Variants in PTPRD observed in about 807,000 individuals in gnomAD.
PTPRD encodes receptor-type tyrosine-protein phosphatase delta.
A neutral mutation model predicts 214.5 loss-of-function variants in PTPRD; 34 were observed. The ratio of observed to expected loss-of-function variants is 0.16; its 90% CI spans 0.12 to 0.21. The LOEUF is 0.21. Among genes scored for constraint, PTPRD ranks in the 10% least tolerant of loss-of-function variants. The pLI is 1.00. For missense variants in PTPRD, 2,545 were observed against 2,398.7 expected (o/e 1.06, Z -1.27); for synonymous variants, 1,128 against 845.7 (o/e 1.33, Z -5.79).
intron 5 of PTPRD, among the ~76,000 whole-genome samples, chr9:9,887,004 C>T (rs886866632): frequency 1.3e-5 from 2 of 152,030 alleles, no homozygotes; most frequent in Admixed American, 1.3e-4. Flanking sequence ...CACAACAAAC[C>T]ATGAGAGGCC....
At chr9:9,242,389 C>G (rs2099970795) in intron 9 of PTPRD, among the ~76,000 whole-genome samples, 1 of 152,110 alleles carries the variant, frequency 6.6e-6, no homozygotes, top group Non-Finnish European at 1.5e-5. Flanking sequence ...TGAATGTTGA[C>G]CTGCCTTGCT....
intron 9 of PTPRD, among the ~76,000 whole-genome samples, chr9:9,204,710 A>G (rs766354161): frequency 3.9e-5 from 6 of 152,326 alleles, no homozygotes; most frequent in Non-Finnish European, 7.4e-5. Flanking sequence ...AAGAACATAA[A>G]TAGTGAATAG....
chr9:9,810,360 C>T (rs762141421), intron 5 of PTPRD, among the ~76,000 whole-genome samples: 6 of 152,064 alleles, frequency 3.9e-5, no homozygotes, highest in African/African-American at 1.2e-4. Context: ...AAAAAGGAGA[C>T]GTCAATACCT....
At chr9:9,027,856 A>C (rs1391996990) in intron 10 of PTPRD, among the ~76,000 whole-genome samples, 1 of 151,986 alleles carries the variant, frequency 6.6e-6, no homozygotes, top group Non-Finnish European at 1.5e-5. Flanking sequence ...CCTTCAAACT[A>C]ACTGCCATTT....
intron 2 of PTPRD, among the ~76,000 whole-genome samples, chr9:10,459,895 T>C (rs1261688373): frequency 6.6e-6 from 1 of 151,902 alleles, no homozygotes; most frequent in Non-Finnish European, 1.5e-5. Context: ...TTTAATAGTA[T>C]AGTTTCTCCT....
rs2097785164 is a variant in PTPRD, at chr9:8,516,641, G to A, written c.1543+1207C>T. Among the ~76,000 whole-genome samples the A allele has an allele frequency of 3.3e-5, 5 of 151,994 alleles. No individual in the cohort carries two copies. The South Asian group carries it at 6.2e-4, about 19-fold the overall frequency. On this transcript the variant is annotated intron_variant, in intron 21 of 45. Coordinates refer to ENST00000381196, the MANE Select transcript of PTPRD (RefSeq NM_002839.4). ...ATTGCCAGGATTAGCAATGAGTTAT[G>A]TCTACAGATTATACTGTCTCCAATA...
chr9:8,684,686 T>C lies in PTPRD; in HGVS notation c.65-47842A>G, dbSNP rs139521451. Among the ~76,000 whole-genome samples, 833 of 152,262 alleles carry C rather than the reference T, an allele frequency of 5.5e-3. 5 individuals carry two copies. The highest frequency in any genetic ancestry group is 8.2e-3 in the Non-Finnish European group (558 of 68,008). On this transcript the variant is annotated intron_variant, in intron 12 of 45. Coordinates refer to ENST00000381196, the MANE Select transcript of PTPRD (RefSeq NM_002839.4). ...AAAGAATGAGGGAGCTATGTTAAGA[T>C]TGATTAACAGGAAACTATTTACAAG...
intron 9 of PTPRD, among the ~76,000 whole-genome samples, chr9:9,348,661 A>C (rs577202257): frequency 6.6e-6 from 1 of 152,262 alleles, no homozygotes; most frequent in African/African-American, 2.4e-5. Context: ...TACAATGTCT[A>C]GTAAGTCCAG....
chr9:10,136,617 T>G (rs1305085897), intron 3 of PTPRD, among the ~76,000 whole-genome samples: 1 of 85,972 alleles, frequency 1.2e-5, no homozygotes. Flanking sequence ...ACCTAGGCAT[T>G]ACCATTCAGG....
chr9:9,613,862 T>C (rs1311850861), intron 7 of PTPRD, among the ~76,000 whole-genome samples: 1 of 152,144 alleles, frequency 6.6e-6, no homozygotes, highest in African/African-American at 2.4e-5. Flanking sequence ...AATATAAATC[T>C]CTACTTTAAC....
chr9:9,306,702 T>A (rs1414669985), intron 9 of PTPRD, among the ~76,000 whole-genome samples: 1 of 152,296 alleles, frequency 6.6e-6, no homozygotes, highest in East Asian at 1.9e-4. Flanking sequence ...TGGAATGCTA[T>A]TGAATGCATT....
At chr9:10,200,393 G>T (rs954760644) in intron 3 of PTPRD, among the ~76,000 whole-genome samples, 1 of 152,088 alleles carries the variant, frequency 6.6e-6, no homozygotes, top group African/African-American at 2.4e-5. Flanking sequence ...AGAGAAGGAA[G>T]ATGCTATTGA....
intron 10 of PTPRD, among the ~76,000 whole-genome samples, chr9:9,050,817 T>C (rs10977456): frequency 0.17 from 26,172 of 152,162 alleles, 2,524 homozygotes; most frequent in African/African-American, 0.27. Flanking sequence ...TTATCATTTA[T>C]TATTGTTAAT....
intron 9 of PTPRD, among the ~76,000 whole-genome samples, chr9:9,224,912 T>A (rs2099958447): frequency 6.6e-6 from 1 of 151,990 alleles, no homozygotes; most frequent in East Asian, 1.9e-4. Flanking sequence ...TGAACTGAAA[T>A]TGCTCAAAGA....
intron 6 of PTPRD, among the ~76,000 whole-genome samples, chr9:9,736,649 T>A (rs781441693): frequency 8.5e-5 from 13 of 152,118 alleles, no homozygotes; most frequent in Admixed American, 2.0e-4. Context: ...TACTATTTAG[T>A]GGAATATTTC....
chr9:9,810,620 A>T (rs540307542), intron 5 of PTPRD, among the ~76,000 whole-genome samples: 1 of 152,232 alleles, frequency 6.6e-6, no homozygotes, highest in Non-Finnish European at 1.5e-5. Context: ...AAAAAAAAAA[A>T]AAGATTTCGT....
chr9:10,563,315 C>T lies in PTPRD; in HGVS notation c.-600+49083G>A, dbSNP rs116276004. Among the ~76,000 whole-genome samples, 903 of 152,184 alleles carry T rather than the reference C, an allele frequency of 5.9e-3. 9 individuals carry two copies. Among genetic ancestry groups the T allele is most frequent in the African/African-American group, 0.021 (863 of 41,530 alleles). ...TTATGAAGGTGTAAGTTCTAATGTG[C>T]CATTCATCATGGATTCAGGTCAGGA... On this transcript the variant is annotated intron_variant, in intron 2 of 45. Coordinates refer to ENST00000381196, the MANE Select transcript of PTPRD (RefSeq NM_002839.4).
At chr9:9,658,779 C>G (rs1270907462) in intron 7 of PTPRD, among the ~76,000 whole-genome samples, 1 of 151,988 alleles carries the variant, frequency 6.6e-6, no homozygotes, top group Admixed American at 6.6e-5. Flanking sequence ...AGATCTTATT[C>G]CGTGTTAGGT....
At chr9:8,366,001 T>C (rs2079772282) in intron 39 of PTPRD, among the ~76,000 whole-genome samples, 2 of 152,190 alleles carry the variant, frequency 1.3e-5, no homozygotes, top group South Asian at 2.1e-4. Flanking sequence ...TAGGTAGCAA[T>C]GCTAACTGAC....
Sources: allele counts gnomAD v4.1 joint callset (sites outside exome capture counted in the v4.1 genomes callset), GRCh38; gene constraint gnomAD v4.1.1; transcripts MANE v1.5; gene names NCBI Gene and HGNC (gene_info 2026-07-23, HGNC 2026-07-21).